Variants in FRMD4A observed in about 807,000 individuals in gnomAD.
The protein encoded by FRMD4A is FERM domain containing 4A, also known as FERM domain-containing protein 4A.
FRMD4A carries 29 observed loss-of-function variants against 129.1 expected under a neutral mutation model. The ratio of observed to expected loss-of-function variants is 0.22; its 90% CI spans 0.17 to 0.31. The LOEUF (loss-of-function observed/expected upper bound fraction) is 0.31, where lower values mean the gene tolerates loss of function less well. Among genes scored for constraint, FRMD4A ranks in the 10% least tolerant of loss-of-function variants. The pLI is 1.00. For synonymous variants in FRMD4A, 634 were observed against 571.6 expected, an observed-to-expected ratio of 1.11 and a Z score of -1.56; for missense variants, 1,272 against 1,375.8, an observed-to-expected ratio of 0.92 and a Z score of 1.19.
rs535195890 is a variant in FRMD4A at position 14,263,827 on chromosome 10, A to G, written c.45+66231T>C. Among the ~76,000 whole-genome samples the G allele has an allele frequency of 3.3e-5, 5 of 152,290 alleles. No homozygotes were observed. In the East Asian group the frequency reaches 5.8e-4, roughly 18 times the overall value. On this transcript the variant is annotated intron_variant, in intron 2 of 24. Coordinates refer to ENST00000357447, the MANE Select transcript of FRMD4A (RefSeq NM_018027.5). ...CCTTGATAAACCAAAGGCAAACCCA[A>G]TTGAGGCATTCCAGCAGCCAGGTCA...
intron 8 of FRMD4A, among the ~76,000 whole-genome samples, chr10:13,756,352 G>A (rs1406017071): frequency 2.6e-5 from 4 of 152,120 alleles, no homozygotes; most frequent in Admixed American, 6.5e-5. Flanking sequence ...AATGCTAAAC[G>A]TTATTTTTTA....
rs559422772 is a variant in FRMD4A, at chr10:14,008,953, C to A, written c.46-150041G>T. ...TTGCAATCACATGGTTCAGATGAAT[C>A]AAATCAAATCGAACAGGCTTGTGTT... On this transcript the variant is annotated intron_variant, in intron 2 of 24. Coordinates refer to ENST00000357447, the MANE Select transcript of FRMD4A (RefSeq NM_018027.5). 9.9e-5 allele frequency among the ~76,000 whole-genome samples: 15 copies of A among 152,254 alleles called. No homozygotes were observed. In the South Asian group the frequency reaches 3.1e-3, roughly 32 times the overall value.
chr10:13,689,638 G>A (rs746989336), intron 15 of FRMD4A, among the ~76,000 whole-genome samples: 21 of 148,478 alleles, frequency 1.4e-4, no homozygotes, highest in South Asian at 2.1e-4. Flanking sequence ...CTACAGCCTT[G>A]AACTCCTGGG....
chr10:13,694,059 A>C lies in FRMD4A; in HGVS notation c.976-20T>G. 1.3e-6 allele frequency: 2 copies of C among 1,499,934 alleles called. No homozygotes were observed. Among genetic ancestry groups the C allele is most frequent in the African/African-American group, 2.8e-5 (2 of 71,080 alleles). 92.9% of individuals were successfully genotyped at this position (1,499,934 alleles called of 1,614,324 possible). On this transcript the variant is annotated intron_variant, in intron 14 of 24. Transcript: ENST00000357447. ...TTTGGACTGGAATGGAAAGGGAAGC[A>C]GGTCAAAGAAGTGACGCTCACCTTG...
intron 3 of FRMD4A, among the ~76,000 whole-genome samples, chr10:13,849,239 G>A (rs189130545): frequency 6.6e-6 from 1 of 152,266 alleles, no homozygotes; most frequent in African/African-American, 2.4e-5. Context: ...TCTGCTCCCA[G>A]CTTCTGCACA....
intron 3 of FRMD4A, among the ~76,000 whole-genome samples, chr10:13,833,248 C>T (rs2093818123): frequency 6.6e-6 from 1 of 152,120 alleles, no homozygotes; most frequent in African/African-American, 2.4e-5. Flanking sequence ...GGAGGCCTCA[C>T]AATCATGGTG....
At chr10:13,787,878 A>G (rs11597287) in intron 5 of FRMD4A, among the ~76,000 whole-genome samples, 22 of 3,384 alleles carry the variant, frequency 6.5e-3, no homozygotes, top group Non-Finnish European at 0.039. Flanking sequence ...AAAAAAAAAG[A>G]AAAAAAAAAA....
intron 2 of FRMD4A, among the ~76,000 whole-genome samples, chr10:14,112,640 C>T (rs994788719): frequency 5.3e-5 from 8 of 152,176 alleles, no homozygotes; most frequent in African/African-American, 1.9e-4. Context: ...ATTCTCCTGC[C>T]TCAGCCTCCA....
At position 14,170,682 on chromosome 10, in the gene FRMD4A, T is replaced by C. The variant is rs141797064; in HGVS notation, c.45+159376A>G. ...TTACAACTATCCTTTCTAGGGTTAA[T>C]TTCCATCCACTCTCTATTTACCGCA... is the stretch of plus-strand genomic sequence containing the variant. On this transcript the variant is annotated intron_variant, in intron 2 of 24. Transcript: ENST00000357447. Among the ~76,000 whole-genome samples, 433 of 152,328 alleles carry C rather than the reference T, an allele frequency of 2.8e-3. 2 individuals carry two copies. Among genetic ancestry groups the C allele is most frequent in the Non-Finnish European group, 5.0e-3 (338 of 68,028 alleles).
At chr10:13,950,407 CTG>C (rs1278269824) in intron 2 of FRMD4A, among the ~76,000 whole-genome samples, 1 of 152,208 alleles carries the variant, frequency 6.6e-6, no homozygotes, top group African/African-American at 2.4e-5. Flanking sequence ...TAATTTAACA[CTG>C]TGTTGATCTA....
At chr10:13,652,295 T>C in intron 23 of FRMD4A, 2 of 381,410 alleles carry the variant, frequency 5.2e-6, no homozygotes. Flanking sequence ...TTGTAGGTGG[T>C]GAAATAGGCA....
chr10:13,783,987 G>A (rs1423855223), intron 5 of FRMD4A, among the ~76,000 whole-genome samples: 3 of 152,136 alleles, frequency 2.0e-5, no homozygotes, highest in Non-Finnish European at 2.9e-5. Flanking sequence ...ATGACCAGCC[G>A]CACTGAAGGA....
At chr10:14,083,859 C>T (rs1033309476) in intron 2 of FRMD4A, 2 of 152,178 alleles carry the variant, frequency 1.3e-5, no homozygotes, top group African/African-American at 4.8e-5. Flanking sequence ...GACACCTTCT[C>T]CCCACCTTCG....
chr10:13,693,535 C>G, intron 15 of FRMD4A: 1 of 1,193,134 alleles, frequency 8.4e-7, no homozygotes, highest in Non-Finnish European at 1.1e-6. Flanking sequence ...TCACAACACA[C>G]AAGTGGGCAC....
chr10:14,010,448 T>C (rs560465857), intron 2 of FRMD4A, among the ~76,000 whole-genome samples: 11 of 152,246 alleles, frequency 7.2e-5, no homozygotes, highest in Non-Finnish European at 1.6e-4. Context: ...TTCCACATCC[T>C]TCCCTTGGGA....
At chr10:13,914,986 C>T (rs1329730080) in intron 2 of FRMD4A, among the ~76,000 whole-genome samples, 1 of 151,900 alleles carries the variant, frequency 6.6e-6, no homozygotes, top group East Asian at 1.9e-4. Context: ...TGCACTCCAG[C>T]CTGGGCAACA....
At chr10:13,959,437 A>G (rs1249901037) in intron 2 of FRMD4A, among the ~76,000 whole-genome samples, 3 of 129,334 alleles carry the variant, frequency 2.3e-5, no homozygotes, top group Non-Finnish European at 4.7e-5. Context: ...GTGCCACTGC[A>G]CTCCCCTCCG....
At chr10:13,907,931 C>T (rs1447657179) in intron 2 of FRMD4A, among the ~76,000 whole-genome samples, 2 of 151,154 alleles carry the variant, frequency 1.3e-5, no homozygotes, top group Admixed American at 6.6e-5. Context: ...TTTGGGAGGC[C>T]GAGGCAGGCG....
intron 2 of FRMD4A, among the ~76,000 whole-genome samples, chr10:14,321,040 A>G (rs1295277567): frequency 6.6e-6 from 1 of 152,114 alleles, no homozygotes; most frequent in Non-Finnish European, 1.5e-5. Context: ...TAGTTCTTCT[A>G]TTTATTTTCA....
Sources: allele counts gnomAD v4.1 joint callset (sites outside exome capture counted in the v4.1 genomes callset), GRCh38; gene constraint gnomAD v4.1.1; transcripts MANE v1.5; gene names NCBI Gene and HGNC (gene_info 2026-07-23, HGNC 2026-07-21).